The following FAT2 variants were observed in gnomAD, a reference collection of about 807,000 sequenced individuals.
The protein encoded by FAT2 is protocadherin Fat 2.
FAT2 carries 150 observed loss-of-function variants against 295.3 expected under a neutral mutation model. The ratio of observed to expected loss-of-function variants is 0.51; its 90% confidence interval spans 0.44 to 0.58. The LOEUF is 0.58. FAT2 is among the 20% of genes least tolerant of loss of function. The pLI, the probability that FAT2 is intolerant of heterozygous loss-of-function variation, is 0.00. For missense variants in FAT2, 4,868 were observed against 5,442.7 expected (o/e 0.89, Z 3.32); for synonymous variants, 2,026 against 2,150.3 (o/e 0.94, Z 1.60).
rs73272092 is a variant in FAT2, at chr5:151,556,430, A to G, written c.3575-28T>C. The stretch of plus-strand genomic sequence containing the variant: ...GAGAGAGAGATGATAAGGGAGAGAC[A>G]TGAGCAGAAGACTTTCAGGGCCACT... On this transcript the variant is annotated intron_variant, in intron 3 of 23. Coordinates refer to ENST00000261800, the MANE Select transcript of FAT2 (RefSeq NM_001447.3). 1.4e-4 allele frequency: 220 copies of G among 1,584,216 alleles called. 2 individuals are homozygous for G. In the African/African-American group the frequency reaches 2.7e-3, roughly 19 times the overall value.
At chr5:151,520,806 G>A (rs918174306) in intron 19 of FAT2, among the ~76,000 whole-genome samples, 1 of 152,136 alleles carries the variant, frequency 6.6e-6, no homozygotes, top group Admixed American at 6.5e-5. Flanking sequence ...CCAGACTATG[G>A]TAATAATAGT....
chr5:151,545,575 A>G lies in FAT2; in HGVS notation c.5552T>C (p.Phe1851Ser). ...GATGACTTGGGCAGGTCTGGGTGCA[A>G]ATAATACAGGGCTTCCTTGGTCATG... ...YVHDQGSPVL[F>S]APRPAQVIIH... Residue 1851 changes from phenylalanine (F) to serine (S), a missense_variant, in exon 10 of 24, where the codon TTT becomes TCT. Coordinates refer to ENST00000261800, the MANE Select transcript of FAT2 (RefSeq NM_001447.3). 1 of 1,614,112 alleles carries G rather than the reference A, an allele frequency of 6.2e-7. No homozygotes were observed. Among genetic ancestry groups the G allele is most frequent in the Non-Finnish European group, 8.5e-7 (1 of 1,179,992 alleles).
In FAT2 at chr5:151,512,341, T is replaced by A. The variant is rs201849940; in HGVS notation, c.11729A>T (p.Glu3910Val). ...HSSSNVSQGFEGCLDAVVVNE... is the reference protein window; with the variant it reads ...HSSSNVSQGFVGCLDAVVVNE... ...GACCACGACAGCATCCAGGCAGCCT[T>A]CAAAGCCCTGGGAGACATTCGAGGA... The change falls in exon 21 of 24, where the codon GAA becomes GTA. Residue 3910 changes from glutamate to valine, a missense_variant. Physicochemically the swap from Glu to Val is moderately radical, Grantham distance 121. This residue lies in a region of FAT2 where 1,046 missense variants were observed against 1,210.1 expected (regional missense o/e 0.86). Transcript: ENST00000261800. The surrounding 1 kb of genome is among the most constrained non-coding windows in gnomAD (Gnocchi z 4.1). 22 of 1,614,138 alleles carry A rather than the reference T, an allele frequency of 1.4e-5. No individual in the cohort carries two copies. In the East Asian group the frequency reaches 3.6e-4, roughly 26 times the overall value.
rs10076684 is a variant in FAT2 at position 151,556,417 on chromosome 5, A to T, written c.3575-15T>A. On this transcript the variant is annotated splice_polypyrimidine_tract_variant and intron_variant, in intron 3 of 23. Coordinates refer to ENST00000261800, the MANE Select transcript of FAT2 (RefSeq NM_001447.3). ...AGATAGGAGACCTGAGAGAGAGATG[A>T]TAAGGGAGAGACATGAGCAGAAGAC... The T allele has an allele frequency of 0.014, 22,332 of 1,608,452 alleles. 595 individuals are homozygous for T. The highest frequency in any genetic ancestry group is 0.11 in the African/African-American group (7,970 of 74,822).
intron 23 of FAT2, among the ~76,000 whole-genome samples, chr5:151,506,461 C>T (rs774778471): frequency 1.4e-5 from 2 of 148,050 alleles, no homozygotes; most frequent in African/African-American, 4.9e-5. Context: ...AACACACACA[C>T]AGTTTGGACT....
rs35531055 is a variant in FAT2 at position 151,534,669 on chromosome 5, G to A, written c.9194-27C>T. 5.1e-3 allele frequency: 8,033 copies of A among 1,583,232 alleles called. 43 individuals carry two copies. The highest frequency in any genetic ancestry group is 0.021 in the Middle Eastern group (126 of 5,984). On this transcript the variant is annotated intron_variant, in intron 12 of 23. Coordinates refer to ENST00000261800, the MANE Select transcript of FAT2 (RefSeq NM_001447.3). ...TGGTCGGAGAAATGACAAAAGTTGA[G>A]CTTTCTCTGGGGAAATATTACCCAA...
chr5:151,565,668 AGT>A lies in FAT2; in HGVS notation c.3259+3_3259+4del. On this transcript the variant is annotated splice_donor_region_variant and intron_variant, in intron 2 of 23. Transcript: ENST00000261800. ...TGGCACCCCACCCTACCCCACCCCC[AGT>A]ACCTGTATCTTGGTTGATGCTGAAG... is the stretch of plus-strand genomic sequence containing the variant. 2 of 398,038 alleles carry A rather than the reference AGT, an allele frequency of 5.0e-6. No individual in the cohort carries two copies. The highest frequency in any genetic ancestry group is 6.9e-5 in the East Asian group (1 of 14,572). The allele number at this position is 398,038 out of a possible 1,614,324, so 24.7% of individuals were successfully genotyped here. A position where few individuals can be genotyped will look rare whatever the true frequency, so the allele number is the denominator to read the frequency against.
Position 151,531,588 on chromosome 5 carries a change from T to C in FAT2, c.9810A>G (p.Thr3270=), listed in dbSNP as rs2127590983. The C allele has an allele frequency of 6.2e-7, 1 of 1,612,256 alleles. No homozygotes were observed. The highest frequency in any genetic ancestry group is 1.3e-5 in the African/African-American group (1 of 74,988). Residue 3270 remains threonine, a splice_region_variant and synonymous_variant, in exon 14 of 24, where the codon ACA becomes ACG. Transcript: ENST00000261800. The surrounding 1 kb of genome is among the most constrained non-coding windows in gnomAD (Gnocchi z 5.7). ...GGGCTTGGTGGATCAGGCTCTCACC[T>C]GTGCGAGCATCCAGGCGGAACCTGC... ...EQGRFRLDAR[T]GILYVNASLD... is the part of the protein sequence containing the mutation.
At chr5:151,559,345 A>G (rs1031432939) in intron 3 of FAT2, among the ~76,000 whole-genome samples, 4 of 152,150 alleles carry the variant, frequency 2.6e-5, no homozygotes, top group Non-Finnish European at 4.4e-5. Context: ...AAGGAGGACA[A>G]GTGGAAGGAA....
chr5:151,565,681 T>C lies in FAT2; in HGVS notation c.3251A>G (p.Gln1084Arg). 6.6e-7 allele frequency: 1 copy of C among 1,516,276 alleles called. No individual in the cohort carries two copies. The highest frequency in any genetic ancestry group is 2.6e-5 in the East Asian group (1 of 38,800). 93.9% of individuals were successfully genotyped at this position (1,516,276 alleles called of 1,614,324 possible). A position where few individuals can be genotyped will look rare whatever the true frequency, so the allele number is the denominator to read the frequency against. The change falls in exon 2 of 24, where the codon CAA becomes CGA. Residue 1084 changes from glutamine to arginine, a missense_variant. By Grantham distance (43) the Gln-to-Arg change is conservative (BLOSUM62 1). Coordinates refer to ENST00000261800, the MANE Select transcript of FAT2 (RefSeq NM_001447.3). ...TACCCCACCCCCAGTACCTGTATCTTGGTTGATGCTGAAGGCTGCGAGTCC... is the reference window on the plus strand; with the variant it reads ...TACCCCACCCCCAGTACCTGTATCTCGGTTGATGCTGAAGGCTGCGAGTCC... ...GTGLAAFSIN[Q>R]DTGMIQTLAP...
chr5:151,520,957 G>C (rs952857096), intron 19 of FAT2, among the ~76,000 whole-genome samples: 5 of 152,192 alleles, frequency 3.3e-5, no homozygotes, highest in African/African-American at 9.7e-5. Flanking sequence ...TCCTAAAGTC[G>C]CCTGGTTAGT....
chr5:151,526,915 G>A (rs1017550389), intron 17 of FAT2, among the ~76,000 whole-genome samples: 6 of 152,130 alleles, frequency 3.9e-5, no homozygotes, highest in Non-Finnish European at 7.3e-5. Flanking sequence ...AAAATCCCTG[G>A]GGTTCAATCC....
chr5:151,517,170 C>A (rs1271062180), intron 20 of FAT2, among the ~76,000 whole-genome samples: 2 of 151,860 alleles, frequency 1.3e-5, no homozygotes, highest in Non-Finnish European at 2.9e-5. Context: ...GTTAAAATCA[C>A]AGGCAGACTG....
chr5:151,508,175 A>G (rs1761042439), intron 22 of FAT2, among the ~76,000 whole-genome samples: 1 of 152,156 alleles, frequency 6.6e-6, no homozygotes, highest in African/African-American at 2.4e-5. Flanking sequence ...GGCCAGCTTT[A>G]TCCACTTTTG....
chr5:151,517,256 C>G (rs6870052), intron 20 of FAT2, among the ~76,000 whole-genome samples: 22,322 of 152,232 alleles, frequency 0.15, 2,104 homozygotes, highest in Non-Finnish European at 0.2. Flanking sequence ...CATGTGATTC[C>G]ATGGGGTTTG....
chr5:151,529,424 G>A, intron 14 of FAT2, 32 bp from the exon 15 acceptor site: 1 of 1,599,056 alleles, frequency 6.3e-7, no homozygotes, highest in African/African-American at 1.3e-5. Context: ...GCAGCAATGA[G>A]GCAGTTGGGC....
rs536225627 is a variant in FAT2 at position 151,577,103 on chromosome 5, C to T, written c.-20-8152G>A. Among the ~76,000 whole-genome samples the T allele has an allele frequency of 9.2e-5, 14 of 152,318 alleles. 1 individual carries two copies. Among genetic ancestry groups the T allele is most frequent in the African/African-American group, 2.9e-4 (12 of 41,562 alleles). On this transcript the variant is annotated intron_variant, in intron 1 of 23. Transcript: ENST00000261800. ...ATGTGCTACATGACTGTATACGCATCTTTATACCAATGCCGTCATAGAACA... is the reference window on the plus strand; with the variant it reads ...ATGTGCTACATGACTGTATACGCATTTTTATACCAATGCCGTCATAGAACA...
chr5:151,539,462 CTAGGTATA>C (rs1046270624), intron 11 of FAT2, among the ~76,000 whole-genome samples: 2 of 151,998 alleles, frequency 1.3e-5, no homozygotes, highest in African/African-American at 4.8e-5. Context: ...GTTGATTGTG[CTAGGTATA>C]TAGGTATATG....
At position 151,553,347 on chromosome 5, in the gene FAT2, C is replaced by T. The variant is rs979936162; in HGVS notation, c.3986G>A (p.Ser1329Asn). The stretch of plus-strand genomic sequence containing the variant: ...GATCCACTCAATGTGTAGCCGGACA[C>T]TGGCTGAGAGTGGTGGCTGCCCACT... Reference protein sequence around the residue: ...TDSGQPPLSASVRLHIEWIPW... With the variant: ...TDSGQPPLSANVRLHIEWIPW... The change falls in exon 6 of 24, where the codon AGT becomes AAT. Residue 1329 changes from serine (S) to asparagine (N), a missense_variant. Physicochemically the swap from Ser to Asn is conservative, Grantham distance 46 (BLOSUM62 1). Around this residue, in one of 5 missense-constraint regions of FAT2, gnomAD observed 3,297 missense variants for 3,669.4 expected, o/e 0.90. Transcript: ENST00000261800. The T allele has an allele frequency of 1.1e-5, 18 of 1,614,136 alleles. No individual in the cohort carries two copies. Among genetic ancestry groups the T allele is most frequent in the East Asian group, 8.9e-5 (4 of 44,896 alleles).
Sources: allele counts gnomAD v4.1 joint callset (sites outside exome capture counted in the v4.1 genomes callset), GRCh38; gene constraint gnomAD v4.1.1; regional missense constraint gnomAD v4.1.1; non-coding constraint Gnocchi (gnomAD v3.1); transcripts MANE v1.5; gene names NCBI Gene and HGNC (gene_info 2026-07-23, HGNC 2026-07-21).